ENG: variants seen among roughly 807,000 people sequenced by gnomAD.
ENG encodes the protein CD105 antigen.
In ENG, 17 loss-of-function variants were observed where a neutral mutation model predicts 71.0. That is an observed-to-expected ratio of 0.24 (90% CI 0.16 to 0.36). The LOEUF (loss-of-function observed/expected upper bound fraction) is 0.36, where lower values mean the gene tolerates loss of function less well. Ranked by LOEUF, ENG falls within the 10% of genes least tolerant of loss-of-function variation. ENG has a pLI of 1.00. For missense variants in ENG, 749 were observed against 868.3 expected, an observed-to-expected ratio of 0.86 and a Z score of 1.73; for synonymous variants, 360 against 366.9, an observed-to-expected ratio of 0.98 and a Z score of 0.21.
rs142803546 is a variant in ENG at position 127,824,343 on chromosome 9, G to T, written c.1095C>A (p.Asp365Glu). The T allele has an allele frequency of 1.9e-6, 3 of 1,613,862 alleles. No individual in the cohort carries two copies. The African/African-American group carries it at 4.0e-5, about 22-fold the overall frequency. ...TCTTTAGTACCAGGGTCATGGCGTC[G>T]TCGGCACACTTTGTCTGGATCAAGG... ...LMSLIQTKCA[D>E]DAMTLVLKKE... is the part of the protein sequence containing the mutation. Residue 365 changes from aspartate to glutamate, a missense_variant, in exon 8 of 15, where the codon GAC (aspartate) becomes GAA (glutamate). Physicochemically the swap from Asp to Glu is conservative, Grantham distance 45. Transcript: ENST00000373203.
intron 1 of ENG, among the ~76,000 whole-genome samples, chr9:127,843,700 TATAG>T (rs1449913859): frequency 5.0e-5 from 7 of 138,940 alleles, no homozygotes; most frequent in African/African-American, 1.7e-4. Flanking sequence ...TATATACATA[TATAG>T]ATATACATAT....
chr9:127,817,358 A>G (rs1234190442), intron 12 of ENG, 155 bp from the exon 13 acceptor site: 2 of 767,082 alleles, frequency 2.6e-6, no homozygotes, highest in Non-Finnish European at 4.5e-6. Context: ...GTCCTGGAAG[A>G]TCTGTGCTGT....
chr9:127,818,750 T>C lies in ENG; in HGVS notation c.1394A>G (p.Asn465Ser), dbSNP rs1227954265. ...YLSPHFLQAS[N>S]TIEPGQQSFV... ...GCTCTGCTGCCCCGGCTCGATGGTGTTGGAGGCCTGGAGGAAGTGTGGGCT... is the reference window on the plus strand; with the variant it reads ...GCTCTGCTGCCCCGGCTCGATGGTGCTGGAGGCCTGGAGGAAGTGTGGGCT... Residue 465 changes from asparagine to serine, a missense_variant, in exon 11 of 15, where the codon AAC becomes AGC. Asn to Ser is a conservative substitution (Grantham distance 46). Transcript: ENST00000373203. 6.2e-7 allele frequency: 1 copy of C among 1,613,834 alleles called. No individual in the cohort carries two copies. Among genetic ancestry groups the C allele is most frequent in the East Asian group, 2.2e-5 (1 of 44,878 alleles).
intron 13 of ENG, chr9:127,816,653 A>G (rs1588573322): frequency 8.2e-6 from 2 of 243,018 alleles, no homozygotes; most frequent in East Asian, 2.0e-4. Context: ...TGGGGTGGCA[A>G]AGAGGTAGGT....
chr9:127,845,024 A>G (rs2131922650), intron 1 of ENG, among the ~76,000 whole-genome samples: 1 of 152,354 alleles, frequency 6.6e-6, no homozygotes, highest in Non-Finnish European at 1.5e-5. Flanking sequence ...GGGTCGGAAA[A>G]GGAAATGAGG....
rs952989732 is a variant in ENG at position 127,838,048 on chromosome 9, TCATGTGTCCA to T, written c.219+5036_219+5045del. ...TGGTTCTGACAGCCAGCAAGGGTGC[TCATGTGTCCA>T]CATGTGGACAGCTCAGCCCGGATAC... On this transcript the variant is annotated intron_variant, in intron 2 of 14. Coordinates refer to ENST00000373203, the MANE Select transcript of ENG (RefSeq NM_001114753.3). The surrounding 1 kb of genome is among the most constrained non-coding windows in gnomAD (Gnocchi z 4.3). Among the ~76,000 whole-genome samples the T allele has an allele frequency of 1.1e-4, 16 of 152,106 alleles. No individual in the cohort carries two copies. The highest frequency in any genetic ancestry group is 2.4e-4 in the Non-Finnish European group (16 of 68,024).
chr9:127,840,823 G>A (rs182555931), intron 2 of ENG, among the ~76,000 whole-genome samples: 1 of 152,336 alleles, frequency 6.6e-6, no homozygotes, highest in African/African-American at 2.4e-5. Context: ...TCCCTGGAGC[G>A]AGTTCTCTAG....
chr9:127,839,460 A>C (rs1830976161), intron 2 of ENG, among the ~76,000 whole-genome samples: 2 of 152,184 alleles, frequency 1.3e-5, no homozygotes, highest in Non-Finnish European at 2.9e-5. Flanking sequence ...GGGAGACAAG[A>C]AGCAGCAGGA....
intron 10 of ENG, chr9:127,819,370 G>A (rs1830418094): frequency 1.9e-6 from 1 of 519,266 alleles, no homozygotes; most frequent in East Asian, 3.6e-5. Context: ...GGCCACCTTT[G>A]GGCCCAGAAA....
chr9:127,826,093 T>C, intron 4 of ENG, among the ~76,000 whole-genome samples: 1 of 152,170 alleles, frequency 6.6e-6, no homozygotes, highest in Non-Finnish European at 1.5e-5. Context: ...CCATGACACA[T>C]GTTAGGCTGC....
At position 127,819,475 on chromosome 9, in the gene ENG, T is replaced by A. The variant is rs1472831135; in HGVS notation, c.1311+147A>T. The A allele has an allele frequency of 6.7e-6, 7 of 1,037,666 alleles. No homozygotes were observed. The African/African-American group carries it at 1.1e-4, about 16-fold the overall frequency. 64.3% of individuals were successfully genotyped at this position (1,037,666 alleles called of 1,614,324 possible). ...GTCACCCTCAGCAGTCCTGCTCCGG[T>A]CATACAGAAGGGGAGACCGAGGCAT... On this transcript the variant is annotated intron_variant, in intron 10 of 14. Transcript: ENST00000373203.
At chr9:127,819,084 C>T (rs1830410018) in intron 10 of ENG, among the ~76,000 whole-genome samples, 1 of 152,036 alleles carries the variant, frequency 6.6e-6, no homozygotes, top group Non-Finnish European at 1.5e-5. Flanking sequence ...ATTACAGGTG[C>T]CCGCCACCAC....
Position 127,843,234 on chromosome 9 carries a change from T to C in ENG, c.79A>G (p.Thr27Ala), listed in dbSNP as rs778695294. 6.2e-7 allele frequency: 1 copy of C among 1,614,186 alleles called. No homozygotes were observed. ...ACAGGCTGAAGGTCACAATGGACTGTTTCTGCAAGACCTGTTGGAGAAACA... is the reference window on the plus strand; with the variant it reads ...ACAGGCTGAAGGTCACAATGGACTGCTTCTGCAAGACCTGTTGGAGAAACA... ...CSLSPTSLAE[T>A]VHCDLQPVGP... The change falls in exon 2 of 15, where the codon ACA becomes GCA. Residue 27 changes from threonine to alanine, a missense_variant. By Grantham distance (58) the Thr-to-Ala change is moderately conservative. Transcript: ENST00000373203.
rs139398993 is a variant in ENG at position 127,826,641 on chromosome 9, G to A, written c.392C>T (p.Pro131Leu). ...NSSLVTFQEP[P>L]GVNTTELPSF... is the part of the protein sequence containing the mutation. ...TGGCAGCTCTGTGGTGTTGACCCCC[G>A]GGGGCTCTTGGAAGGTGACCAGGCT... Residue 131 changes from proline (P) to leucine (L), a missense_variant, in exon 4 of 15, where the codon CCG (proline) becomes CTG (leucine). Pro to Leu is a moderately conservative substitution (Grantham distance 98). Coordinates refer to ENST00000373203, the MANE Select transcript of ENG (RefSeq NM_001114753.3). 2.7e-3 allele frequency: 4,305 copies of A among 1,613,834 alleles called. 49 individuals are homozygous for A. The highest frequency in any genetic ancestry group is 0.025 in the South Asian group (2,313 of 91,068).
At chr9:127,835,456 G>T (rs1386305973) in intron 2 of ENG, among the ~76,000 whole-genome samples, 1 of 152,140 alleles carries the variant, frequency 6.6e-6, no homozygotes, top group Non-Finnish European at 1.5e-5. Context: ...CTGGAGGAAA[G>T]AATTGCAAGG....
In ENG at chr9:127,854,296, G is replaced by A; in HGVS notation, c.60C>T (p.Ser20=). Residue 20 remains serine, a synonymous_variant, in exon 1 of 15, where the codon AGC becomes AGT. Coordinates refer to ENST00000373203, the MANE Select transcript of ENG (RefSeq NM_001114753.3). ...GGGTCCCTGGACACCTACTTGTGGG[G>A]CTGAGGCTGCAGCTGGCCAGCAGCA... The part of the protein sequence containing the change: ...VALLLASCSL[S]PTSLAETVHC... 6.3e-7 allele frequency: 1 copy of A among 1,589,226 alleles called. No homozygotes were observed. The highest frequency in any genetic ancestry group is 8.6e-7 in the Non-Finnish European group (1 of 1,168,522).
At chr9:127,854,078 A>G (rs1324179223) in intron 1 of ENG, among the ~76,000 whole-genome samples, 1 of 152,250 alleles carries the variant, frequency 6.6e-6, no homozygotes, top group Non-Finnish European at 1.5e-5. Flanking sequence ...TGAAAGAGTC[A>G]GCCCAGTTTG....
At chr9:127,815,859 C>G (rs1830297283) in intron 14 of ENG, 53 bp from the exon 15 acceptor site, 1 of 1,553,072 alleles carries the variant, frequency 6.4e-7, no homozygotes, top group African/African-American at 1.4e-5. Context: ...GCCAGGGCCC[C>G]TCAATCCCTC....
chr9:127,817,759 G>T (rs1342950240), intron 12 of ENG: 3 of 417,500 alleles, frequency 7.2e-6, no homozygotes, highest in Non-Finnish European at 1.3e-5. Context: ...CTTCCCTCAG[G>T]TCTCCTGTTC....
Sources: allele counts gnomAD v4.1 joint callset (sites outside exome capture counted in the v4.1 genomes callset), GRCh38; gene constraint gnomAD v4.1.1; non-coding constraint Gnocchi (gnomAD v3.1); transcripts MANE v1.5; gene names NCBI Gene and HGNC (gene_info 2026-07-23, HGNC 2026-07-21).